Variants in NUP205 observed in about 807,000 individuals in gnomAD.
The protein encoded by NUP205 is nuclear pore complex protein Nup205.
A neutral mutation model predicts 253.8 loss-of-function variants in NUP205; 76 were observed. That is an observed-to-expected ratio of 0.30 (90% CI 0.25 to 0.36). The LOEUF is 0.36. Among genes scored for constraint, NUP205 ranks in the 10% least tolerant of loss-of-function variants. The probability of loss-of-function intolerance (pLI) is 1.00; values close to 1 mark genes in which losing one functional copy is unlikely to be tolerated. For missense variants in NUP205, 2,162 were observed against 2,425.5 expected (o/e 0.89, Z 2.28); for synonymous variants, 832 against 850.1 (o/e 0.98, Z 0.37).
chr7:135,579,179 AAT>A (rs1229393281), intron 7 of NUP205, among the ~76,000 whole-genome samples: 1 of 151,724 alleles, frequency 6.6e-6, no homozygotes, highest in Non-Finnish European at 1.5e-5. Flanking sequence ...TAAAATTTGG[AAT>A]GACAGTGTCA....
rs1793886911 is a variant in NUP205, at chr7:135,598,110, G to T, written c.2177G>T (p.Gly726Val). 6.2e-7 allele frequency: 1 copy of T among 1,614,130 alleles called. No individual in the cohort carries two copies. The highest frequency in any genetic ancestry group is 1.1e-5 in the South Asian group (1 of 91,074). ...ESSFPSNLGA[G>V]LRPPGFDPYL... ...TCATTTCCTTCTAATTTGGGTGCTG[G>T]ACTGCGGCCCCCTGGCTTTGACCCT... Residue 726 changes from glycine (G) to valine (V), a missense_variant, in exon 15 of 43, where the codon GGA becomes GTA. Around this residue, in one of 5 missense-constraint regions of NUP205, gnomAD observed 892 missense variants for 957.1 expected, o/e 0.93. Coordinates refer to ENST00000285968, the MANE Select transcript of NUP205 (RefSeq NM_015135.3).
intron 7 of NUP205, among the ~76,000 whole-genome samples, chr7:135,582,205 A>G (rs1806325390): frequency 1.3e-5 from 2 of 152,116 alleles, no homozygotes; most frequent in African/African-American, 4.8e-5. Flanking sequence ...AGGATGGCTG[A>G]AACTGGGAGG....
rs551713635 is a variant in NUP205, at chr7:135,564,958, A to G, written c.29-6147A>G. On this transcript the variant is annotated intron_variant, in intron 1 of 42. Transcript: ENST00000285968. ...CTTTTTAAAAATTTTTTGTAGAGAC[A>G]GGGTTTTGACATTTTGGCCAGGCTG... Among the ~76,000 whole-genome samples the G allele has an allele frequency of 1.2e-3, 178 of 152,028 alleles. 1 individual carries two copies. The highest frequency in any genetic ancestry group is 4.2e-3 in the African/African-American group (175 of 41,486).
chr7:135,582,176 C>T (rs1225969441), intron 7 of NUP205, among the ~76,000 whole-genome samples: 1 of 152,090 alleles, frequency 6.6e-6, no homozygotes, highest in Non-Finnish European at 1.5e-5. Context: ...ATCCTACCTT[C>T]TCAGGAGGCT....
intron 19 of NUP205, among the ~76,000 whole-genome samples, chr7:135,604,703 AC>A (rs1794049261): frequency 6.6e-6 from 1 of 152,234 alleles, no homozygotes; most frequent in Non-Finnish European, 1.5e-5. Context: ...TACTCTGGGT[AC>A]ATGACCACTG....
chr7:135,637,873 C>G, intron 36 of NUP205, 58 bp from the exon 37 acceptor site: 1 of 1,516,972 alleles, frequency 6.6e-7, no homozygotes, highest in Non-Finnish European at 8.9e-7. Flanking sequence ...TTCTATCCCT[C>G]AAGAAAGAGA....
At position 135,614,229 on chromosome 7, in the gene NUP205, A is replaced by C; in HGVS notation, c.3266A>C (p.Asp1089Ala). Reference sequence around the variant, plus strand: ...ATGAGGTACTTGAGAACCAGCCAGGATTTCTTATTTTCCCAGTTGCAGTAT... The same window carrying C: ...ATGAGGTACTTGAGAACCAGCCAGGCTTTCTTATTTTCCCAGTTGCAGTAT... Reference protein sequence around the residue: ...PTMRYLRTSQDFLFSQLQYLP... With the variant: ...PTMRYLRTSQAFLFSQLQYLP... The change falls in exon 23 of 43, where the codon GAT becomes GCT. Residue 1089 changes from aspartate to alanine, a missense_variant. Asp to Ala is a moderately radical substitution (Grantham distance 126). Transcript: ENST00000285968. 6.2e-7 allele frequency: 1 copy of C among 1,611,890 alleles called. No individual in the cohort carries two copies. The highest frequency in any genetic ancestry group is 8.5e-7 in the Non-Finnish European group (1 of 1,178,180).
intron 1 of NUP205, among the ~76,000 whole-genome samples, chr7:135,569,244 G>A (rs1447074685): frequency 6.6e-6 from 1 of 151,926 alleles, no homozygotes; most frequent in Non-Finnish European, 1.5e-5. Context: ...CTAATTTTTT[G>A]TATATTTTAG....
intron 7 of NUP205, among the ~76,000 whole-genome samples, chr7:135,579,698 T>C: frequency 6.6e-6 from 1 of 151,970 alleles, no homozygotes. Flanking sequence ...CAGGCTGGAG[T>C]GCAGTGGCTC....
At chr7:135,607,468 T>C (rs934037141) in intron 22 of NUP205, 97 bp downstream of exon 22, 35 of 1,284,684 alleles carry the variant, frequency 2.7e-5, no homozygotes, top group Middle Eastern at 2.8e-4. Context: ...CAGGACTTAG[T>C]TGAAATGAGT....
intron 7 of NUP205, among the ~76,000 whole-genome samples, chr7:135,582,110 A>G (rs1806322720): frequency 6.6e-6 from 1 of 152,100 alleles, no homozygotes; most frequent in Non-Finnish European, 1.5e-5. Flanking sequence ...ACAGGGCGAA[A>G]CCTTGACTCT....
chr7:135,593,646 T>G (rs1327460021), intron 12 of NUP205, among the ~76,000 whole-genome samples: 1 of 152,232 alleles, frequency 6.6e-6, no homozygotes, highest in Non-Finnish European at 1.5e-5. Context: ...CATGACTGTA[T>G]ATAATTTCCC....
chr7:135,619,964 C>T (rs1315946002), intron 30 of NUP205, 76 bp downstream of exon 30: 1 of 971,382 alleles, frequency 1.0e-6, no homozygotes. Flanking sequence ...AATCACTTCT[C>T]CATCTTTTGA....
chr7:135,645,381 A>T (rs1794987183), intron 40 of NUP205, 87 bp from the exon 41 acceptor site: 2 of 1,346,686 alleles, frequency 1.5e-6, no homozygotes, highest in Admixed American at 1.9e-5. Context: ...AAGTGAGTGC[A>T]GTCTGTCCTT....
rs1486936280 is a variant in NUP205 at position 135,616,079 on chromosome 7, T to G, written c.3460+14T>G. ...AACCATACTCAGGTGAGTATTAGTATTTGTTTTATTGTGCTGGTGACTAGT... is the reference window on the plus strand; with the variant it reads ...AACCATACTCAGGTGAGTATTAGTAGTTGTTTTATTGTGCTGGTGACTAGT... On this transcript the variant is annotated intron_variant, in intron 24 of 42. Transcript: ENST00000285968. 6.2e-7 allele frequency: 1 copy of G among 1,607,200 alleles called. No homozygotes were observed. The highest frequency in any genetic ancestry group is 8.5e-7 in the Non-Finnish European group (1 of 1,176,446).
At chr7:135,617,875 C>T (rs1465077519) in intron 27 of NUP205, among the ~76,000 whole-genome samples, 193 bp downstream of exon 27, 1 of 150,774 alleles carries the variant, frequency 6.6e-6, no homozygotes, top group African/African-American at 2.4e-5. Flanking sequence ...AAATAAATAA[C>T]ACCTTTTCTG....
chr7:135,624,770 T>A (rs1411358403), intron 31 of NUP205, among the ~76,000 whole-genome samples: 1 of 152,224 alleles, frequency 6.6e-6, no homozygotes, highest in Admixed American at 6.5e-5. Context: ...GGTGAGCCAC[T>A]GTGCCCAACC....
rs1035052753 is a variant in NUP205 at position 135,583,159 on chromosome 7, T to C, written c.1043-1673T>C. Among the ~76,000 whole-genome samples the C allele has an allele frequency of 2.0e-5, 3 of 152,132 alleles. No individual in the cohort carries two copies. In the East Asian group the frequency reaches 5.8e-4, roughly 29 times the overall value. The stretch of plus-strand genomic sequence containing the variant: ...ATATGTTTTCCTCTGTTTGAGACTA[T>C]CTTGGCTTTTATCTGTTCCTGGCCC... On this transcript the variant is annotated intron_variant, in intron 7 of 42. Transcript: ENST00000285968.
chr7:135,586,420 T>C (rs1806466861), intron 8 of NUP205, among the ~76,000 whole-genome samples: 1 of 152,160 alleles, frequency 6.6e-6, no homozygotes, highest in Non-Finnish European at 1.5e-5. Flanking sequence ...TGCTTCACCA[T>C]TGTTGATTTT....
Sources: allele counts gnomAD v4.1 joint callset (sites outside exome capture counted in the v4.1 genomes callset), GRCh38; gene constraint gnomAD v4.1.1; regional missense constraint gnomAD v4.1.1; transcripts MANE v1.5; gene names NCBI Gene and HGNC (gene_info 2026-07-23, HGNC 2026-07-21).